The following FNBP1L variants were observed in gnomAD, a reference collection of about 807,000 sequenced individuals.
FNBP1L encodes the protein formin-binding protein 1-like.
Under a neutral mutation model 91.2 loss-of-function variants are expected in FNBP1L, and 36 were observed. The ratio of observed to expected loss-of-function variants is 0.39; its 90% CI spans 0.30 to 0.52. The LOEUF is 0.52. Among genes scored for constraint, FNBP1L ranks in the 20% least tolerant of loss-of-function variants. The pLI, the probability that FNBP1L is intolerant of heterozygous loss-of-function variation, is 0.66. For missense variants in FNBP1L, 571 were observed against 732.1 expected, an observed-to-expected ratio of 0.78 and a Z score of 2.54; for synonymous variants, 242 against 237.0, an observed-to-expected ratio of 1.02 and a Z score of -0.19.
intron 9 of FNBP1L, among the ~76,000 whole-genome samples, chr1:93,535,748 T>C (rs1387051615): frequency 2.0e-5 from 3 of 151,774 alleles, no homozygotes; most frequent in Non-Finnish European, 4.4e-5. Flanking sequence ...AGTCAAGAAG[T>C]TGAGAGGTGA....
At chr1:93,475,176 A>G (rs1252449583) in intron 1 of FNBP1L, among the ~76,000 whole-genome samples, 2 of 152,180 alleles carry the variant, frequency 1.3e-5, no homozygotes, top group Non-Finnish European at 2.9e-5. Flanking sequence ...TTTGCAATGA[A>G]AGAAGTAAAA....
chr1:93,462,277 C>A (rs546458910), intron 1 of FNBP1L, among the ~76,000 whole-genome samples: 3 of 151,358 alleles, frequency 2.0e-5, no homozygotes, highest in Non-Finnish European at 4.4e-5. Context: ...CCTGGAGTTA[C>A]TTTTTTTTTA....
At chr1:93,458,928 T>C (rs979155441) in intron 1 of FNBP1L, among the ~76,000 whole-genome samples, 5 of 152,206 alleles carry the variant, frequency 3.3e-5, no homozygotes, top group Non-Finnish European at 7.3e-5. Context: ...TATAGACCCA[T>C]ATAGACTTTG....
intron 1 of FNBP1L, among the ~76,000 whole-genome samples, chr1:93,472,626 C>A (rs1669330487): frequency 1.3e-5 from 2 of 151,596 alleles, no homozygotes; most frequent in Non-Finnish European, 2.9e-5. Context: ...TCCTGGCTAA[C>A]ACAGTGAAAC....
chr1:93,530,971 T>G, intron 7 of FNBP1L, 88 bp downstream of exon 7: 3 of 1,022,302 alleles, frequency 2.9e-6, no homozygotes, highest in Non-Finnish European at 4.2e-6. Context: ...AGAATCTTTC[T>G]AGATTCACTA....
At chr1:93,542,776 CTTTTTTTTTTT>C (rs34922906) in intron 11 of FNBP1L, among the ~76,000 whole-genome samples, 1 of 125,590 alleles carries the variant, frequency 8.0e-6, no homozygotes, top group South Asian at 2.5e-4. Flanking sequence ...TTTTCTTTAC[CTTTTTTTTTTT>C]TTTTTTTTTT....
intron 1 of FNBP1L, 59 bp downstream of exon 1, chr1:93,448,364 G>T: frequency 1.4e-6 from 2 of 1,456,326 alleles, no homozygotes; most frequent in Non-Finnish European, 1.8e-6. Context: ...CGCGGGTTGG[G>T]CGGGCGCCGC....
At chr1:93,470,500 C>G (rs1195893188) in intron 1 of FNBP1L, among the ~76,000 whole-genome samples, 1 of 152,184 alleles carries the variant, frequency 6.6e-6, no homozygotes, top group Non-Finnish European at 1.5e-5. Context: ...TTGTCTCTGA[C>G]TATGGATGGG....
intron 2 of FNBP1L, among the ~76,000 whole-genome samples, chr1:93,508,539 C>A (rs1198981513): frequency 2.6e-5 from 4 of 151,940 alleles, no homozygotes; most frequent in Non-Finnish European, 5.9e-5. Flanking sequence ...GATGAGTCAC[C>A]TATAGATGTG....
At chr1:93,532,296 A>G (rs1454620006) in intron 7 of FNBP1L, among the ~76,000 whole-genome samples, 5 of 151,534 alleles carry the variant, frequency 3.3e-5, no homozygotes, top group African/African-American at 1.2e-4. Flanking sequence ...GTGAAACCCC[A>G]TCGCTACTAA....
chr1:93,548,628 C>T (rs1353377078), intron 14 of FNBP1L, among the ~76,000 whole-genome samples: 1 of 152,042 alleles, frequency 6.6e-6, no homozygotes, highest in Non-Finnish European at 1.5e-5. Context: ...AGATGTTATC[C>T]CTAGGACTCA....
chr1:93,497,298 T>C lies in FNBP1L; in HGVS notation c.25-2170T>C, dbSNP rs536708093. Among the ~76,000 whole-genome samples, 4 of 152,322 alleles carry C rather than the reference T, an allele frequency of 2.6e-5. No individual in the cohort carries two copies. The East Asian group carries it at 7.7e-4, about 29-fold the overall frequency. Reference sequence around the variant, plus strand: ...TTTAAAAATAAAAAGTTGTAATATTTTCTGATTTAGTTTAGTTTACAAAAA... The same window carrying C: ...TTTAAAAATAAAAAGTTGTAATATTCTCTGATTTAGTTTAGTTTACAAAAA... On this transcript the variant is annotated intron_variant, in intron 1 of 16. Coordinates refer to ENST00000271234, the MANE Select transcript of FNBP1L (RefSeq NM_001164473.3).
At chr1:93,540,926 G>T in intron 10 of FNBP1L, 116 bp from the exon 11 acceptor site, 2 of 795,856 alleles carry the variant, frequency 2.5e-6, no homozygotes, top group Non-Finnish European at 1.8e-6. Context: ...TTTGGATTGT[G>T]AAATGTACGT....
At chr1:93,514,541 A>C (rs1670998231) in intron 2 of FNBP1L, among the ~76,000 whole-genome samples, 2 of 152,276 alleles carry the variant, frequency 1.3e-5, no homozygotes, top group African/African-American at 4.8e-5. Flanking sequence ...CAGTAACCAA[A>C]ACAGCATGGT....
intron 2 of FNBP1L, among the ~76,000 whole-genome samples, chr1:93,520,839 C>T (rs1048743811): frequency 6.6e-6 from 1 of 151,992 alleles, no homozygotes. Flanking sequence ...GGTCAGGGGT[C>T]GAGACCAGCC....
At position 93,522,111 on chromosome 1, in the gene FNBP1L, G is replaced by T. The variant is rs772047336; in HGVS notation, c.170G>T (p.Arg57Leu). The change falls in exon 3 of 17, where the codon CGT (arginine) becomes CTT (leucine). Residue 57 changes from arginine (R) to leucine (L), a missense_variant. By Grantham distance (102) the Arg-to-Leu change is moderately radical. This residue lies in a region of FNBP1L where 220 missense variants were observed against 313.6 expected (regional missense o/e 0.70). Transcript: ENST00000271234. Reference sequence around the variant, plus strand: ...CTGGTTAAGAAGTACTGCCCCAAACGTTCATCCAAAGATGAAGAGCCACGG... The same window carrying T: ...CTGGTTAAGAAGTACTGCCCCAAACTTTCATCCAAAGATGAAGAGCCACGG... ...RNLVKKYCPK[R>L]SSKDEEPRFT... The T allele has an allele frequency of 6.6e-7, 1 of 1,517,926 alleles. No individual in the cohort carries two copies. The highest frequency in any genetic ancestry group is 8.8e-7 in the Non-Finnish European group (1 of 1,132,044). 94.0% of individuals were successfully genotyped at this position (1,517,926 alleles called of 1,614,324 possible). A position where few individuals can be genotyped will look rare whatever the true frequency, so the allele number is the denominator to read the frequency against.
At chr1:93,510,178 G>A (rs970243069) in intron 2 of FNBP1L, among the ~76,000 whole-genome samples, 51 of 152,324 alleles carry the variant, frequency 3.3e-4, no homozygotes, top group African/African-American at 1.2e-3. Flanking sequence ...CAAACAAAAA[G>A]CAGTAACCTC....
chr1:93,491,185 A>T (rs570647612), intron 1 of FNBP1L, among the ~76,000 whole-genome samples: 9 of 152,116 alleles, frequency 5.9e-5, no homozygotes, highest in African/African-American at 2.2e-4. Flanking sequence ...GACTCAAGCA[A>T]TCCTCCCACC....
chr1:93,532,750 A>G (rs755308790), intron 7 of FNBP1L, among the ~76,000 whole-genome samples, 172 bp from the exon 8 acceptor site: 3 of 152,084 alleles, frequency 2.0e-5, no homozygotes, highest in African/African-American at 4.8e-5. Flanking sequence ...GTTGTTTAGC[A>G]TGTCCCAGGT....
Sources: allele counts gnomAD v4.1 joint callset (sites outside exome capture counted in the v4.1 genomes callset), GRCh38; gene constraint gnomAD v4.1.1; regional missense constraint gnomAD v4.1.1; transcripts MANE v1.5; gene names NCBI Gene and HGNC (gene_info 2026-07-23, HGNC 2026-07-21).